SGCD: variants seen among roughly 807,000 people sequenced by gnomAD.
SGCD encodes sarcoglycan delta.
In SGCD, 18 loss-of-function variants were observed where a neutral mutation model predicts 36.6. The observed-to-expected ratio is 0.49, with a 90% confidence interval of 0.34 to 0.73. The LOEUF is 0.73. Ranked by LOEUF, SGCD falls within the 30% of genes least tolerant of loss-of-function variation. The pLI, the probability that SGCD is intolerant of heterozygous loss-of-function variation, is 0.01. For missense variants in SGCD, 387 were observed against 346.7 expected, an observed-to-expected ratio of 1.12 and a Z score of -0.92; for synonymous variants, 133 against 130.6, an observed-to-expected ratio of 1.02 and a Z score of -0.12.
At chr5:156,533,639 AGAGTGACTCTTTT>A (rs1757978214) in intron 4 of SGCD, among the ~76,000 whole-genome samples, 1 of 152,212 alleles carries the variant, frequency 6.6e-6, no homozygotes, top group Non-Finnish European at 1.5e-5. Flanking sequence ...ATAGAAAATA[AGAGTGACTCTTTT>A]CTTAGGTTTT....
At chr5:156,073,090 C>T (rs1482868080) in intron 1 of SGCD, among the ~76,000 whole-genome samples, 2 of 152,174 alleles carry the variant, frequency 1.3e-5, no homozygotes, top group Non-Finnish European at 2.9e-5. Context: ...CCTCCTGTAG[C>T]TCGGAGTAGT....
the SGCD span, among the ~76,000 whole-genome samples, chr5:155,747,512 GA>G: frequency 1.3e-5 from 2 of 152,186 alleles, no homozygotes; most frequent in Admixed American, 6.5e-5. Context: ...TTTGTTGGAG[GA>G]TAGGGACCTT....
the SGCD span, among the ~76,000 whole-genome samples, chr5:155,850,901 A>AT: frequency 1.3e-5 from 2 of 152,144 alleles, no homozygotes; most frequent in African/African-American, 4.8e-5. Flanking sequence ...GTTTACCTGT[A>AT]TTTTTTGTTT....
At chr5:156,408,158 T>C (rs1561676218) in intron 3 of SGCD, among the ~76,000 whole-genome samples, 1 of 152,202 alleles carries the variant, frequency 6.6e-6, no homozygotes, top group Non-Finnish European at 1.5e-5. Context: ...TCCTCTTAGC[T>C]CTTTTGTCTT....
chr5:156,013,136 C>T (rs1304425184), intron 1 of SGCD, among the ~76,000 whole-genome samples: 21 of 151,802 alleles, frequency 1.4e-4, no homozygotes, highest in Admixed American at 1.4e-3. Flanking sequence ...GGCGATTCTC[C>T]TGCCTCAGCC....
intron 7 of SGCD, among the ~76,000 whole-genome samples, chr5:156,726,014 T>G (rs1755755822): frequency 6.6e-6 from 1 of 152,232 alleles, no homozygotes; most frequent in African/African-American, 2.4e-5. Context: ...CTTTCTCAAA[T>G]TCTAGTCATC....
intron 6 of SGCD, among the ~76,000 whole-genome samples, chr5:156,643,035 T>G (rs1763095075): frequency 3.4e-5 from 1 of 29,572 alleles, no homozygotes; most frequent in Non-Finnish European, 5.2e-5. Flanking sequence ...TTTTTTTTTT[T>G]GTTTGTTTTT....
rs180898286 is a variant in SGCD at position 156,233,627 on chromosome 5, A to G, written c.-43-95907A>G. Among the ~76,000 whole-genome samples the G allele has an allele frequency of 4.6e-5, 7 of 152,334 alleles. 1 individual carries two copies. In the East Asian group the frequency reaches 9.7e-4, roughly 21 times the overall value. ...CTTACAGTGTCACATTTTTGTGTGC[A>G]ACTAAAAGGGAACACGTGACCATGG... is the stretch of plus-strand genomic sequence containing the variant. On this transcript the variant is annotated intron_variant, in intron 3 of 9. Coordinates refer to the SGCD transcript ENST00000517913.
chr5:156,653,493 C>CTTGTTTTTTTTTTT (rs1763545133), intron 7 of SGCD, among the ~76,000 whole-genome samples: 1 of 48,082 alleles, frequency 2.1e-5, no homozygotes, highest in African/African-American at 6.4e-5. Flanking sequence ...CTAAAGCTTG[C>CTTGTTTTTTTTTTT]TTTTTTTTTT....
At chr5:156,297,531 C>T (rs868690390) in intron 3 of SGCD, among the ~76,000 whole-genome samples, 310 of 150,436 alleles carry the variant, frequency 2.1e-3, no homozygotes, top group African/African-American at 7.1e-3. Context: ...AGTAAACTAT[C>T]GCAAGAACAA....
At chr5:156,109,241 T>C (rs1224896229) in intron 1 of SGCD, among the ~76,000 whole-genome samples, 2 of 152,194 alleles carry the variant, frequency 1.3e-5, no homozygotes, top group African/African-American at 4.8e-5. Context: ...TCTCTTCTAC[T>C]GGAAACATTC....
At chr5:156,384,865 C>T (rs538159561) in intron 3 of SGCD, among the ~76,000 whole-genome samples, 1 of 152,240 alleles carries the variant, frequency 6.6e-6, no homozygotes, top group Non-Finnish European at 1.5e-5. Context: ...GAGCCTGGGG[C>T]TTGTTAGTTA....
intron 4 of SGCD, among the ~76,000 whole-genome samples, chr5:156,539,965 CA>C (rs1758286745): frequency 6.6e-6 from 1 of 152,104 alleles, no homozygotes. Context: ...TTCATGGAGT[CA>C]AAAACCTTCT....
At chr5:156,370,989 A>G (rs1373303072) in intron 3 of SGCD, among the ~76,000 whole-genome samples, 2 of 152,156 alleles carry the variant, frequency 1.3e-5, no homozygotes, top group East Asian at 1.9e-4. Context: ...GGAAAAAAAA[A>G]CAGTGATGTT....
chr5:155,798,581 C>T, the SGCD span, among the ~76,000 whole-genome samples: 1 of 152,144 alleles, frequency 6.6e-6, no homozygotes, highest in Non-Finnish European at 1.5e-5. Context: ...AATTAGAATA[C>T]ATATTACTAA....
At chr5:155,811,726 C>G in the SGCD span, among the ~76,000 whole-genome samples, 1 of 152,082 alleles carries the variant, frequency 6.6e-6, no homozygotes, top group African/African-American at 2.4e-5. Context: ...AAGCTGGGTC[C>G]GGGGGGTCAC....
chr5:155,953,194 T>G (rs1204279933), intron 1 of SGCD, among the ~76,000 whole-genome samples: 1 of 152,158 alleles, frequency 6.6e-6, no homozygotes, highest in Non-Finnish European at 1.5e-5. Flanking sequence ...CCCTTTTTAC[T>G]TCCTGCCTTT....
At chr5:156,483,218 A>G (rs1755516025) in intron 3 of SGCD, among the ~76,000 whole-genome samples, 1 of 152,210 alleles carries the variant, frequency 6.6e-6, no homozygotes, top group South Asian at 2.1e-4. Flanking sequence ...AAGAAGGTCA[A>G]TGTGGCTGAG....
intron 3 of SGCD, among the ~76,000 whole-genome samples, chr5:156,262,898 GGT>G (rs66684897): frequency 0.21 from 30,594 of 147,488 alleles, 3,320 homozygotes; most frequent in Admixed American, 0.27. Context: ...AGTATTCCAT[GGT>G]GTGTGTGTGT....
Sources: gnomAD v4.1 joint callset for allele counts (sites outside exome capture counted in the v4.1 genomes callset) on GRCh38, gnomAD v4.1.1 for gene constraint, MANE v1.5 for transcripts, NCBI Gene and HGNC (gene_info 2026-07-23, HGNC 2026-07-21) for gene names.